The following AGPAT4 variants were observed in gnomAD, a reference collection of about 807,000 sequenced individuals.
The protein encoded by AGPAT4 is 1-acylglycerol-3-phosphate O-acyltransferase 4.
A neutral mutation model predicts 48.0 loss-of-function variants in AGPAT4; 15 were observed. The ratio of observed to expected loss-of-function variants is 0.31; its 90% confidence interval spans 0.21 to 0.48. AGPAT4 has a LOEUF of 0.48. AGPAT4 is among the 20% of genes least tolerant of loss of function. The pLI, the probability that AGPAT4 is intolerant of heterozygous loss-of-function variation, is 0.99. For missense variants in AGPAT4, 314 were observed against 482.5 expected (o/e 0.65, Z 3.27); for synonymous variants, 178 against 198.7 (o/e 0.90, Z 0.88).
In AGPAT4 at chr6:161,234,958, T is replaced by C. The variant is rs958248650; in HGVS notation, c.-89-2656A>G. 6.6e-6 allele frequency among the ~76,000 whole-genome samples: 1 copy of C among 152,002 alleles called. No individual in the cohort carries two copies. Among genetic ancestry groups the C allele is most frequent in the African/African-American group, 2.4e-5 (1 of 41,382 alleles). ...CACTAGCAATGCATGAACCAGGGTC[T>C]CAGATAGCATTGGTGAAGTGTAAAG... On this transcript the variant is annotated intron_variant, in intron 1 of 8. Transcript: ENST00000320285. This position sits in a 1 kb window ranked among gnomAD's most constrained non-coding sequence, Gnocchi z 4.4.
rs1778875392 is a variant in AGPAT4 at position 161,130,768 on chromosome 6, ATGCCATT to A, written c.*5765_*5771del. 1 of 498,716 alleles carries A rather than the reference ATGCCATT, an allele frequency of 2.0e-6. No individual in the cohort carries two copies. 30.9% of individuals were successfully genotyped at this position (498,716 alleles called of 1,614,324 possible). A position where few individuals can be genotyped will look rare whatever the true frequency, so the allele number is the denominator to read the frequency against. ...TTGTAGCCTTGGCACAGCTGAGGCCATGCCATTGCTACCCGGAAGCTGGCTCTGCAGC... is the reference window on the plus strand; with the variant it reads ...TTGTAGCCTTGGCACAGCTGAGGCCAGCTACCCGGAAGCTGGCTCTGCAGC... On this transcript the variant is annotated 3_prime_UTR_variant, in exon 9 of 9. Transcript: ENST00000320285.
At chr6:161,269,155 A>G (rs961393757) in intron 1 of AGPAT4, among the ~76,000 whole-genome samples, 17 of 152,180 alleles carry the variant, frequency 1.1e-4, no homozygotes, top group Admixed American at 5.2e-4. Flanking sequence ...CTGGAAATCT[A>G]TGAGTAATTC....
chr6:161,199,922 CT>C (rs1781179409), intron 2 of AGPAT4, among the ~76,000 whole-genome samples: 1 of 152,180 alleles, frequency 6.6e-6, no homozygotes, highest in Non-Finnish European at 1.5e-5. Flanking sequence ...ACTAAAGCAG[CT>C]TGACATCAAT....
intron 2 of AGPAT4, among the ~76,000 whole-genome samples, chr6:161,183,205 C>A (rs930314599): frequency 2.6e-5 from 4 of 152,166 alleles, no homozygotes; most frequent in African/African-American, 9.7e-5. Context: ...TCTTATCCAC[C>A]ACGTGCTGAT....
At chr6:161,237,241 C>T (rs766643394) in intron 1 of AGPAT4, among the ~76,000 whole-genome samples, 1 of 152,184 alleles carries the variant, frequency 6.6e-6, no homozygotes, top group Non-Finnish European at 1.5e-5. Context: ...TCCCAGGCCA[C>T]TGGTAGATTA....
At chr6:161,181,357 T>C (rs1271613692) in intron 2 of AGPAT4, among the ~76,000 whole-genome samples, 1 of 152,046 alleles carries the variant, frequency 6.6e-6, no homozygotes, top group Non-Finnish European at 1.5e-5. Flanking sequence ...AGCAGCTAGC[T>C]CCAAGCTGTA....
chr6:161,152,324 G>T (rs902235511), intron 5 of AGPAT4, among the ~76,000 whole-genome samples: 1 of 152,120 alleles, frequency 6.6e-6, no homozygotes, highest in Non-Finnish European at 1.5e-5. Flanking sequence ...CAGCCCGCCT[G>T]GCCTGGGTCC....
rs900227222 is a variant in AGPAT4 at position 161,204,264 on chromosome 6, G to C, written c.178+27772C>G. On this transcript the variant is annotated intron_variant, in intron 2 of 8. Coordinates refer to ENST00000320285, the MANE Select transcript of AGPAT4 (RefSeq NM_020133.3). The surrounding 1 kb of genome is among the most constrained non-coding windows in gnomAD (Gnocchi z 4.4). Reference sequence around the variant, plus strand: ...AATTTTGTCTATCTTTCTATATAAAGGTAGTGTATATGTTAAATATGTCTG... The same window carrying C: ...AATTTTGTCTATCTTTCTATATAAACGTAGTGTATATGTTAAATATGTCTG... Among the ~76,000 whole-genome samples the C allele has an allele frequency of 1.5e-4, 23 of 152,130 alleles. No homozygotes were observed. Among genetic ancestry groups the C allele is most frequent in the Admixed American group, 2.6e-4 (4 of 15,280 alleles).
chr6:161,165,600 T>C lies in AGPAT4; in HGVS notation c.348+648A>G, dbSNP rs1780073544. ...ACCTGAGTACCGCAGATGACTCTGA[T>C]TCAGCTATGTGACACAGGCTCAACC... On this transcript the variant is annotated intron_variant, in intron 3 of 8. Coordinates refer to ENST00000320285, the MANE Select transcript of AGPAT4 (RefSeq NM_020133.3). The surrounding 1 kb of genome is among the most constrained non-coding windows in gnomAD (Gnocchi z 5.5). 1.5e-6 allele frequency: 2 copies of C among 1,300,682 alleles called. No homozygotes were observed. Among genetic ancestry groups the C allele is most frequent in the Admixed American group, 2.3e-5 (1 of 42,998 alleles). The allele number at this position is 1,300,682 out of a possible 1,614,324, so 80.6% of individuals were successfully genotyped here. A position where few individuals can be genotyped will look rare whatever the true frequency, so the allele number is the denominator to read the frequency against.
rs1475558149 is a variant in AGPAT4 at position 161,266,631 on chromosome 6, T to C, written c.-90+7307A>G. On this transcript the variant is annotated intron_variant, in intron 1 of 8. Coordinates refer to ENST00000320285, the MANE Select transcript of AGPAT4 (RefSeq NM_020133.3). This position sits in a 1 kb window ranked among gnomAD's most constrained non-coding sequence, Gnocchi z 6.2. Reference sequence around the variant, plus strand: ...TACCCACACAAAAGGCCGAAGAATCTGCTCACCATCCGCCTTGCAACCTGC... The same window carrying C: ...TACCCACACAAAAGGCCGAAGAATCCGCTCACCATCCGCCTTGCAACCTGC... 6.6e-6 allele frequency among the ~76,000 whole-genome samples: 1 copy of C among 152,140 alleles called. No individual in the cohort carries two copies. The highest frequency in any genetic ancestry group is 1.9e-4 in the East Asian group (1 of 5,188).
At position 161,202,933 on chromosome 6, in the gene AGPAT4, C is replaced by T. The variant is rs916078199; in HGVS notation, c.178+29103G>A. Among the ~76,000 whole-genome samples the T allele has an allele frequency of 1.3e-5, 2 of 152,198 alleles. No homozygotes were observed. Among genetic ancestry groups the T allele is most frequent in the Non-Finnish European group, 2.9e-5 (2 of 68,032 alleles). ...CAGCCCCAGTTGAGGTCCCAGCCAACAGCCAACATCAACCTCCAGGCTTGT... is the reference window on the plus strand; with the variant it reads ...CAGCCCCAGTTGAGGTCCCAGCCAATAGCCAACATCAACCTCCAGGCTTGT... On this transcript the variant is annotated intron_variant, in intron 2 of 8. Coordinates refer to ENST00000320285, the MANE Select transcript of AGPAT4 (RefSeq NM_020133.3). This position sits in a 1 kb window ranked among gnomAD's most constrained non-coding sequence, Gnocchi z 5.4.
In AGPAT4 at chr6:161,166,066, C is replaced by A; in HGVS notation, c.348+182G>T. Reference sequence around the variant, plus strand: ...ATTGTTGAGTACCTCTTATGATTGCCCATAAGAAGCTGTTAAGACTGACTC... The same window carrying A: ...ATTGTTGAGTACCTCTTATGATTGCACATAAGAAGCTGTTAAGACTGACTC... On this transcript the variant is annotated intron_variant, in intron 3 of 8. Coordinates refer to ENST00000320285, the MANE Select transcript of AGPAT4 (RefSeq NM_020133.3). This position sits in a 1 kb window ranked among gnomAD's most constrained non-coding sequence, Gnocchi z 6.7. 1.3e-6 allele frequency: 1 copy of A among 744,692 alleles called. No individual in the cohort carries two copies. The highest frequency in any genetic ancestry group is 1.9e-5 in the South Asian group (1 of 53,258). The allele number at this position is 744,692 out of a possible 1,614,324, so 46.1% of individuals were successfully genotyped here.
Position 161,137,201 on chromosome 6 carries a change from A to C in AGPAT4, c.1043-567T>G, listed in dbSNP as rs751381497. 1.3e-5 allele frequency among the ~76,000 whole-genome samples: 2 copies of C among 152,176 alleles called. No individual in the cohort carries two copies. The highest frequency in any genetic ancestry group is 2.9e-5 in the Non-Finnish European group (2 of 68,036). On this transcript the variant is annotated intron_variant, in intron 8 of 8. Coordinates refer to ENST00000320285, the MANE Select transcript of AGPAT4 (RefSeq NM_020133.3). This position sits in a 1 kb window ranked among gnomAD's most constrained non-coding sequence, Gnocchi z 6.1. ...CGTGGGAGCCCAGTTTAATATAGGA[A>C]GCTGGAAAGCAGGGCCTAATGCTCA...
chr6:161,268,855 C>A (rs892676467), intron 1 of AGPAT4, among the ~76,000 whole-genome samples: 3 of 152,116 alleles, frequency 2.0e-5, no homozygotes, highest in Non-Finnish European at 4.4e-5. Flanking sequence ...TTCATGACAT[C>A]AGAAAACACA....
rs1424697083 is a variant in AGPAT4, at chr6:161,154,948, A to T, written c.349-638T>A. On this transcript the variant is annotated intron_variant, in intron 3 of 8. Transcript: ENST00000320285. The surrounding 1 kb of genome is among the most constrained non-coding windows in gnomAD (Gnocchi z 7.8). ...GCTCACAGAGCAGGCTGCGGAGCCC[A>T]GTGGGATCTCCGGGTACAGCTGGTC... 6.6e-6 allele frequency among the ~76,000 whole-genome samples: 1 copy of T among 152,242 alleles called. No homozygotes were observed. The highest frequency in any genetic ancestry group is 1.5e-5 in the Non-Finnish European group (1 of 68,046).
intron 2 of AGPAT4, among the ~76,000 whole-genome samples, chr6:161,182,978 C>G (rs1241857663): frequency 6.6e-6 from 1 of 152,198 alleles, no homozygotes; most frequent in African/African-American, 2.4e-5. Context: ...GTGAGGATAA[C>G]AAGAGGCAGG....
chr6:161,215,337 T>C lies in AGPAT4; in HGVS notation c.178+16699A>G, dbSNP rs1239709322. ...TGTTTACACATCCCAGCGGACATAT[T>C]TGTGCTGAATCTCAAGGTTTTTGAG... On this transcript the variant is annotated intron_variant, in intron 2 of 8. Coordinates refer to ENST00000320285, the MANE Select transcript of AGPAT4 (RefSeq NM_020133.3). This position sits in a 1 kb window ranked among gnomAD's most constrained non-coding sequence, Gnocchi z 4.5. Among the ~76,000 whole-genome samples, 1 of 152,224 alleles carries C rather than the reference T, an allele frequency of 6.6e-6. No individual in the cohort carries two copies. Among genetic ancestry groups the C allele is most frequent in the Admixed American group, 6.5e-5 (1 of 15,290 alleles).
chr6:161,181,141 C>T (rs1343103544), intron 2 of AGPAT4, among the ~76,000 whole-genome samples: 1 of 152,146 alleles, frequency 6.6e-6, no homozygotes, highest in Non-Finnish European at 1.5e-5. Context: ...CAGAAAGGTG[C>T]CTCCCAGCTC....
chr6:161,210,256 A>G (rs987750734), intron 2 of AGPAT4, among the ~76,000 whole-genome samples: 2 of 152,140 alleles, frequency 1.3e-5, no homozygotes, highest in Non-Finnish European at 2.9e-5. Context: ...GTACCACCAG[A>G]CTTTTTCTCT....
Sources: gnomAD v4.1 joint callset for allele counts (sites outside exome capture counted in the v4.1 genomes callset) on GRCh38, gnomAD v4.1.1 for gene constraint, Gnocchi (gnomAD v3.1) non-coding constraint, MANE v1.5 for transcripts, NCBI Gene and HGNC (gene_info 2026-07-23, HGNC 2026-07-21) for gene names.